MANBA: variants seen among roughly 807,000 people sequenced by gnomAD.
MANBA encodes beta-mannosidase.
In MANBA, 83 loss-of-function variants were observed where a neutral mutation model predicts 111.1. The observed-to-expected ratio is 0.75, with a 90% CI of 0.63 to 0.90. The LOEUF is 0.90. Among genes scored for constraint, MANBA ranks in the 40% least tolerant of loss-of-function variants. MANBA has a pLI of 0.00. For synonymous variants in MANBA, 370 were observed against 378.7 expected (o/e 0.98, Z 0.27); for missense variants, 1,036 against 1,069.0 (o/e 0.97, Z 0.43).
chr4:102,727,692 G>A (rs1473359102), intron 1 of MANBA: 2 of 1,221,792 alleles, frequency 1.6e-6, no homozygotes, highest in Non-Finnish European at 2.4e-6. Context: ...ATCTCCCTCA[G>A]GAGGATGGTT....
At chr4:102,649,893 G>A (rs1365208169) in intron 13 of MANBA, among the ~76,000 whole-genome samples, 1 of 152,034 alleles carries the variant, frequency 6.6e-6, no homozygotes, top group Admixed American at 6.5e-5. Flanking sequence ...TCAGTCATTG[G>A]TCAAATGAAG....
intron 13 of MANBA, among the ~76,000 whole-genome samples, chr4:102,644,096 A>C (rs1036382261): frequency 1.3e-5 from 2 of 152,138 alleles, no homozygotes; most frequent in Non-Finnish European, 2.9e-5. Flanking sequence ...TAGTGGTCTG[A>C]ATTTATTCTT....
intron 7 of MANBA, among the ~76,000 whole-genome samples, chr4:102,686,190 A>ATG (rs34832646): frequency 0.54 from 81,576 of 150,400 alleles, 24,285 homozygotes; most frequent in South Asian, 0.77. Context: ...GAACTAGGAA[A>ATG]TGTGTGTGTG....
chr4:102,674,439 T>A (rs991953639), intron 7 of MANBA, among the ~76,000 whole-genome samples: 1 of 152,214 alleles, frequency 6.6e-6, no homozygotes, highest in Non-Finnish European at 1.5e-5. Context: ...AAAAACACAT[T>A]CTCATTTCAG....
At chr4:102,736,127 CAAA>C (rs1350676037) in intron 1 of MANBA, among the ~76,000 whole-genome samples, 6 of 152,180 alleles carry the variant, frequency 3.9e-5, no homozygotes, top group African/African-American at 7.2e-5. Flanking sequence ...AAGCTCAACT[CAAA>C]TGGCTATTAA....
chr4:102,701,156 G>C (rs1025064397), intron 5 of MANBA, among the ~76,000 whole-genome samples: 16 of 151,996 alleles, frequency 1.1e-4, no homozygotes, highest in African/African-American at 1.9e-4. Flanking sequence ...TTTAAAGTCT[G>C]TTTTATCAGA....
chr4:102,639,806 G>A lies in MANBA; in HGVS notation c.1921C>T (p.Arg641Cys), dbSNP rs140692906. 1.3e-4 allele frequency: 206 copies of A among 1,614,028 alleles called. 1 individual carries two copies. Among genetic ancestry groups the A allele is most frequent in the Admixed American group, 2.0e-4 (12 of 60,014 alleles). ...KTETEFYRRS[R>C]SEIVDQQGHT... ...CCTTGCTGATCCACTATCTCGCTGC[G>A]ACTACGGCGGTAGAATTCAGTTTCT... The change falls in exon 14 of 17, where the codon CGC becomes TGC. Residue 641 changes from arginine to cysteine, a missense_variant. Physicochemically the swap from Arg to Cys is radical, Grantham distance 180 (BLOSUM62 -3). Coordinates refer to ENST00000647097, the MANE Select transcript of MANBA (RefSeq NM_005908.4).
intron 5 of MANBA, among the ~76,000 whole-genome samples, chr4:102,697,629 T>C (rs1469796910): frequency 2.0e-5 from 3 of 149,034 alleles, no homozygotes; most frequent in Non-Finnish European, 4.5e-5. Context: ...GTTCTTGCGA[T>C]AGTTTACTGA....
chr4:102,635,123 C>T, intron 15 of MANBA, 78 bp from the exon 16 acceptor site: 1 of 1,525,768 alleles, frequency 6.6e-7, no homozygotes, highest in Non-Finnish European at 9.0e-7. Flanking sequence ...GTAATAATTG[C>T]TGAAAGTCAG....
At chr4:102,753,887 A>T in intron 1 of MANBA, 1 of 430,008 alleles carries the variant, frequency 2.3e-6, no homozygotes, top group Non-Finnish European at 4.6e-6. Flanking sequence ...GATCGAGACC[A>T]GCTTGAGCAA....
chr4:102,683,204 A>C (rs559289957), intron 7 of MANBA, among the ~76,000 whole-genome samples: 48 of 152,180 alleles, frequency 3.2e-4, no homozygotes, highest in African/African-American at 1.1e-3. Flanking sequence ...AAGAAAAAAA[A>C]ATCCCAATTG....
At chr4:102,687,231 C>G (rs532668922) in intron 7 of MANBA, among the ~76,000 whole-genome samples, 1 of 152,290 alleles carries the variant, frequency 6.6e-6, no homozygotes, top group South Asian at 2.1e-4. Flanking sequence ...TTTATTTCCT[C>G]AGCAGTTCTG....
chr4:102,735,436 T>A (rs1723181930), intron 1 of MANBA, among the ~76,000 whole-genome samples: 1 of 140,632 alleles, frequency 7.1e-6, no homozygotes, highest in African/African-American at 2.7e-5. Context: ...GGGGGAAATG[T>A]GGCGAATAAA....
intron 7 of MANBA, among the ~76,000 whole-genome samples, chr4:102,674,531 C>T (rs527956856): frequency 6.6e-6 from 1 of 152,292 alleles, no homozygotes; most frequent in African/African-American, 2.4e-5. Flanking sequence ...AACACATTAC[C>T]ATAAAATCAC....
Position 102,688,700 on chromosome 4 carries a change from T to C in MANBA, c.960+874A>G, listed in dbSNP as rs149530322. Among the ~76,000 whole-genome samples, 89 of 152,342 alleles carry C rather than the reference T, an allele frequency of 5.8e-4. No homozygotes were observed. In the South Asian group the frequency reaches 8.3e-3, roughly 14 times the overall value. ...CTTATTGTCCCTATTTTACATATTT[T>C]GAGATTAAGTAAGTAGCCTATAGCT... On this transcript the variant is annotated intron_variant, in intron 7 of 16. Coordinates refer to ENST00000647097, the MANE Select transcript of MANBA (RefSeq NM_005908.4).
chr4:102,644,787 C>T (rs183123449), intron 13 of MANBA, among the ~76,000 whole-genome samples: 12 of 152,144 alleles, frequency 7.9e-5, no homozygotes, highest in Admixed American at 6.5e-5. Flanking sequence ...AAGATAAGTA[C>T]GTGAAGCAAT....
At chr4:102,668,925 T>G (rs778757800) in intron 10 of MANBA, 38 bp downstream of exon 10, 42 of 1,473,470 alleles carry the variant, frequency 2.9e-5, no homozygotes, top group Non-Finnish European at 3.9e-5. Context: ...TAAAACATAT[T>G]ATTTGTTTTA....
intron 5 of MANBA, among the ~76,000 whole-genome samples, chr4:102,713,896 CAAA>C (rs987115592): frequency 6.1e-4 from 42 of 68,434 alleles, no homozygotes; most frequent in African/African-American, 1.7e-3. Context: ...AACTCCATCT[CAAA>C]AAAAAAAAAA....
At position 102,716,309 on chromosome 4, in the gene MANBA, CAAAAAAA is replaced by C. The variant is rs56345161; in HGVS notation, c.550-1755_550-1749del. ...GGGCAACAAGAGTGAAACTCAGTCT[CAAAAAAA>C]AAAAAAAAAAAAAAAAAAAGAATGA... On this transcript the variant is annotated intron_variant, in intron 4 of 16. Transcript: ENST00000647097. 4.1e-3 allele frequency among the ~76,000 whole-genome samples: 160 copies of C among 39,120 alleles called. 1 individual carries two copies. The highest frequency in any genetic ancestry group is 0.013 in the African/African-American group (154 of 11,822). 25.7% of individuals were successfully genotyped at this position (39,120 alleles called of 152,430 possible).
Sources: gnomAD v4.1 joint callset for allele counts (sites outside exome capture counted in the v4.1 genomes callset) on GRCh38, gnomAD v4.1.1 for gene constraint, MANE v1.5 for transcripts, NCBI Gene and HGNC (gene_info 2026-07-23, HGNC 2026-07-21) for gene names.